TAOK3: variants seen among roughly 807,000 people sequenced by gnomAD.
The protein encoded by TAOK3 is TAO kinase 3, also known as serine/threonine-protein kinase TAO3.
Under a neutral mutation model 120.4 loss-of-function variants are expected in TAOK3, and 40 were observed. The ratio of observed to expected loss-of-function variants is 0.33; its 90% CI spans 0.26 to 0.43. The LOEUF (loss-of-function observed/expected upper bound fraction) is 0.43, where lower values mean the gene tolerates loss of function less well. Ranked by LOEUF, TAOK3 falls within the 20% of genes least tolerant of loss-of-function variation. The pLI is 1.00. For synonymous variants in TAOK3, 355 were observed against 387.5 expected (o/e 0.92, Z 0.99); for missense variants, 821 against 1,112.1 (o/e 0.74, Z 3.72).
intron 19 of TAOK3, among the ~76,000 whole-genome samples, chr12:118,156,433 G>T (rs558237404): frequency 1.3e-5 from 2 of 152,054 alleles, no homozygotes; most frequent in African/African-American, 4.8e-5. Flanking sequence ...GTGTTCTTAA[G>T]GGCTTTGTCC....
intron 11 of TAOK3, among the ~76,000 whole-genome samples, chr12:118,207,856 T>TCACACACACACA (rs1368625660): frequency 7.2e-4 from 36 of 49,660 alleles, no homozygotes; most frequent in South Asian, 2.6e-3. Flanking sequence ...CGAGACTCTG[T>TCACACACACACA]CTCACACACA....
rs760373463 is a variant in TAOK3, at chr12:118,201,448, G to T, written c.835C>A (p.Arg279=). 2 of 1,609,426 alleles carry T rather than the reference G, an allele frequency of 1.2e-6. No individual in the cohort carries two copies. The highest frequency in any genetic ancestry group is 3.4e-5 in the Admixed American group (2 of 59,024). Residue 279 remains arginine, a synonymous_variant, in exon 12 of 21, where the codon CGA becomes AGA. Transcript: ENST00000392533. The part of the protein sequence containing the change: ...AELLRHDFVR[R]DRPLRVLIDL... ...ATGAGGACACGTAGTGGCCGGTCTC[G>T]TCGAACAAAGTCATGCTGATTGAGG...
intron 9 of TAOK3, among the ~76,000 whole-genome samples, chr12:118,220,827 T>A (rs1009170699): frequency 1.9e-4 from 29 of 152,130 alleles, no homozygotes. Context: ...TGACTAAAGG[T>A]ACTCTAACCA....
chr12:118,321,241 C>CACACACACACACAAACAT (rs1319215958), intron 1 of TAOK3, among the ~76,000 whole-genome samples: 3 of 152,028 alleles, frequency 2.0e-5, no homozygotes, highest in African/African-American at 7.2e-5. Context: ...TGCAAATACA[C>CACACACACACACAAACAT]ACACACACAC....
chr12:118,307,315 T>A (rs1408694989), intron 1 of TAOK3, among the ~76,000 whole-genome samples: 1 of 152,046 alleles, frequency 6.6e-6, no homozygotes, highest in East Asian at 1.9e-4. Context: ...GTAGTCTAAC[T>A]CTGACCTTAG....
At chr12:118,265,394 GAAAAAAA>G (rs35810306) in intron 2 of TAOK3, among the ~76,000 whole-genome samples, 1 of 68,600 alleles carries the variant, frequency 1.5e-5, no homozygotes. Context: ...GTCTCAGGAA[GAAAAAAA>G]AAAAAAAAAA....
intron 1 of TAOK3, among the ~76,000 whole-genome samples, chr12:118,318,709 C>T (rs1258710929): frequency 6.6e-6 from 1 of 152,080 alleles, no homozygotes; most frequent in Admixed American, 6.5e-5. Flanking sequence ...TACGATATGA[C>T]CTGGCAATCC....
Position 118,189,906 on chromosome 12 carries a change from G to T in TAOK3, c.1230C>A (p.Gly410=). 6.2e-7 allele frequency: 1 copy of T among 1,614,158 alleles called. No homozygotes were observed. Among genetic ancestry groups the T allele is most frequent in the Non-Finnish European group, 8.5e-7 (1 of 1,180,032 alleles). ...TAGGCCGCGGCTCAGGCCTGGGATC[G>T]CCGTGGCCCGCCTCATCCCTTATGA... ...HVFIRDEAGH[G]DPRPEPRPTQ... The change falls in exon 14 of 21, where the codon GGC becomes GGA. Residue 410 remains glycine (G), a synonymous_variant. Transcript: ENST00000392533.
In TAOK3 at chr12:118,273,230, C is replaced by G. The variant is rs527704751; in HGVS notation, c.-193-6471G>C. Among the ~76,000 whole-genome samples the G allele has an allele frequency of 5.9e-5, 9 of 152,158 alleles. No individual in the cohort carries two copies. The South Asian group carries it at 1.7e-3, about 28-fold the overall frequency. On this transcript the variant is annotated intron_variant, in intron 1 of 20. Coordinates refer to ENST00000392533, the MANE Select transcript of TAOK3 (RefSeq NM_016281.4). Reference sequence around the variant, plus strand: ...CTTTAAGAAAAAAATAGGGCCAGCGCGGTGGCTCATGCCTGTAATCCCAGC... The same window carrying G: ...CTTTAAGAAAAAAATAGGGCCAGCGGGGTGGCTCATGCCTGTAATCCCAGC...
intron 1 of TAOK3, among the ~76,000 whole-genome samples, chr12:118,340,799 C>T (rs1049159041): frequency 2.0e-5 from 3 of 151,274 alleles, no homozygotes; most frequent in South Asian, 2.1e-4. Flanking sequence ...AAACATTGGC[C>T]GCACATGGTG....
intron 1 of TAOK3, among the ~76,000 whole-genome samples, chr12:118,348,323 T>C (rs536885500): frequency 6.6e-6 from 1 of 152,384 alleles, no homozygotes; most frequent in African/African-American, 2.4e-5. Flanking sequence ...AGGATTCTTA[T>C]TCGCTTTCCA....
chr12:118,361,826 G>A (rs954629064), intron 1 of TAOK3, among the ~76,000 whole-genome samples: 6 of 151,914 alleles, frequency 3.9e-5, no homozygotes, highest in Non-Finnish European at 2.9e-5. Context: ...ACATGCACAG[G>A]TTTGTTACAT....
intron 8 of TAOK3, among the ~76,000 whole-genome samples, chr12:118,234,109 A>G (rs2039904409): frequency 6.6e-6 from 1 of 151,990 alleles, no homozygotes; most frequent in Admixed American, 6.6e-5. Flanking sequence ...ATGAATATAC[A>G]TAAAGTACTT....
chr12:118,261,139 A>G lies in TAOK3; in HGVS notation c.-88-5484T>C, dbSNP rs184326193. Among the ~76,000 whole-genome samples, 94 of 152,360 alleles carry G rather than the reference A, an allele frequency of 6.2e-4. No individual in the cohort carries two copies. In the East Asian group the frequency reaches 0.017, roughly 27 times the overall value. On this transcript the variant is annotated intron_variant, in intron 2 of 20. Coordinates refer to ENST00000392533, the MANE Select transcript of TAOK3 (RefSeq NM_016281.4). ...AAAATAAAACAGAAAAAAGACTAAC[A>G]AAACAAAAACCAAACCCACGACCCA... is the stretch of plus-strand genomic sequence containing the variant.
chr12:118,204,568 A>G (rs2038196721), intron 11 of TAOK3, among the ~76,000 whole-genome samples: 1 of 152,230 alleles, frequency 6.6e-6, no homozygotes, highest in Non-Finnish European at 1.5e-5. Context: ...CATCATTCCC[A>G]GAAGCAAGTG....
intron 19 of TAOK3, among the ~76,000 whole-genome samples, chr12:118,158,262 C>G (rs771445755): frequency 6.6e-6 from 1 of 152,194 alleles, no homozygotes; most frequent in African/African-American, 2.4e-5. Flanking sequence ...TTAGTTCTTT[C>G]CTCTCTAAGA....
intron 8 of TAOK3, among the ~76,000 whole-genome samples, chr12:118,235,201 G>A (rs995004450): frequency 2.6e-5 from 4 of 152,172 alleles, no homozygotes; most frequent in African/African-American, 9.7e-5. Flanking sequence ...TTGTTGGCTA[G>A]TCAGGGAAGG....
chr12:118,183,179 A>T (rs2036874316), intron 14 of TAOK3, among the ~76,000 whole-genome samples: 1 of 152,158 alleles, frequency 6.6e-6, no homozygotes, highest in Admixed American at 6.5e-5. Flanking sequence ...AGCTGCTATT[A>T]ATTTTCTGTA....
intron 15 of TAOK3, among the ~76,000 whole-genome samples, chr12:118,180,581 G>A (rs1246956607): frequency 6.6e-6 from 1 of 152,110 alleles, no homozygotes; most frequent in Non-Finnish European, 1.5e-5. Flanking sequence ...GGATGGGGAC[G>A]AGAGATGTTC....
Sources: allele counts gnomAD v4.1 joint callset (sites outside exome capture counted in the v4.1 genomes callset), GRCh38; gene constraint gnomAD v4.1.1; transcripts MANE v1.5; gene names NCBI Gene and HGNC (gene_info 2026-07-23, HGNC 2026-07-21).